The following AUTS2 variants were observed in gnomAD, a reference collection of about 807,000 sequenced individuals.
AUTS2 encodes the protein autism susceptibility gene 2 protein.
In AUTS2, 17 loss-of-function variants were observed where a neutral mutation model predicts 112.4. That is an observed-to-expected ratio of 0.15 (90% confidence interval 0.10 to 0.23). The LOEUF (loss-of-function observed/expected upper bound fraction) is 0.23, where lower values mean the gene tolerates loss of function less well. Ranked by LOEUF, AUTS2 falls within the 10% of genes least tolerant of loss-of-function variation. The pLI, the probability that AUTS2 is intolerant of heterozygous loss-of-function variation, is 1.00. For synonymous variants in AUTS2, 751 were observed against 702.7 expected, an observed-to-expected ratio of 1.07 and a Z score of -1.09; for missense variants, 1,510 against 1,701.6, an observed-to-expected ratio of 0.89 and a Z score of 1.98.
chr7:70,490,356 C>G (rs1439825646), intron 5 of AUTS2, among the ~76,000 whole-genome samples: 1 of 151,792 alleles, frequency 6.6e-6, no homozygotes, highest in African/African-American at 2.4e-5. Context: ...GCAGATCTTA[C>G]AGACATTAGA....
chr7:70,110,477 T>C (rs1016166872), intron 2 of AUTS2, among the ~76,000 whole-genome samples: 6 of 152,138 alleles, frequency 3.9e-5, no homozygotes, highest in South Asian at 2.1e-4. Context: ...GATCGCGCCA[T>C]TGGACTCCAG....
chr7:70,646,950 G>T (rs1806203144), intron 5 of AUTS2, among the ~76,000 whole-genome samples: 1 of 152,178 alleles, frequency 6.6e-6, no homozygotes, highest in African/African-American at 2.4e-5. Flanking sequence ...ATCATTCCAG[G>T]CTGGCTGAGC....
At chr7:69,708,088 T>A (rs1016758758) in intron 1 of AUTS2, among the ~76,000 whole-genome samples, 33 of 152,184 alleles carry the variant, frequency 2.2e-4, no homozygotes, top group African/African-American at 8.0e-4. Context: ...AACTGACATG[T>A]TTGAGCCTTT....
chr7:70,735,474 A>G (rs1321847745), intron 6 of AUTS2, among the ~76,000 whole-genome samples: 1 of 152,142 alleles, frequency 6.6e-6, no homozygotes, highest in Non-Finnish European at 1.5e-5. Context: ...CCTGACCCTC[A>G]CGGGGGTGAT....
chr7:69,894,207 T>G (rs1794641026), intron 1 of AUTS2, among the ~76,000 whole-genome samples: 1 of 151,818 alleles, frequency 6.6e-6, no homozygotes, highest in Non-Finnish European at 1.5e-5. Flanking sequence ...CTTTCTTGCC[T>G]TCTTTCCTGC....
intron 3 of AUTS2, among the ~76,000 whole-genome samples, chr7:70,131,852 T>G (rs1806289111): frequency 6.6e-6 from 1 of 151,968 alleles, no homozygotes. Context: ...ACCAATACTT[T>G]AATGGTGGGG....
intron 2 of AUTS2, among the ~76,000 whole-genome samples, chr7:69,985,145 C>G (rs998773259): frequency 1.3e-5 from 2 of 148,936 alleles, no homozygotes; most frequent in Admixed American, 6.7e-5. Flanking sequence ...GCAGGAGGAT[C>G]ACTTGAACCC....
At chr7:69,605,516 A>T (rs1184693113) in intron 1 of AUTS2, among the ~76,000 whole-genome samples, 1 of 152,134 alleles carries the variant, frequency 6.6e-6, no homozygotes, top group Non-Finnish European at 1.5e-5. Context: ...CCAATGTTTT[A>T]TCCTCTTTGT....
intron 5 of AUTS2, among the ~76,000 whole-genome samples, chr7:70,559,348 T>C (rs1174292191): frequency 6.6e-6 from 1 of 151,932 alleles, no homozygotes; most frequent in Non-Finnish European, 1.5e-5. Context: ...TTTTTTTTTT[T>C]TTCTGAGGCG....
intron 4 of AUTS2, among the ~76,000 whole-genome samples, chr7:70,368,504 G>A (rs1190937873): frequency 6.6e-6 from 1 of 152,196 alleles, no homozygotes; most frequent in Non-Finnish European, 1.5e-5. Context: ...AGGTTATGTT[G>A]CAGTAACAAG....
intron 1 of AUTS2, among the ~76,000 whole-genome samples, chr7:69,800,930 T>C (rs1353502932): frequency 6.6e-6 from 1 of 152,190 alleles, no homozygotes; most frequent in Non-Finnish European, 1.5e-5. Context: ...ATATATCTTT[T>C]AGATAATTCT....
intron 2 of AUTS2, among the ~76,000 whole-genome samples, chr7:70,001,803 C>A (rs768427837): frequency 3.3e-5 from 5 of 151,596 alleles, no homozygotes; most frequent in African/African-American, 9.7e-5. Flanking sequence ...CTCTGCCTTC[C>A]AGGCTGAAGT....
At chr7:69,682,897 G>A (rs1470456072) in intron 1 of AUTS2, among the ~76,000 whole-genome samples, 1 of 152,178 alleles carries the variant, frequency 6.6e-6, no homozygotes, top group African/African-American at 2.4e-5. Flanking sequence ...GCTGTAGTGA[G>A]CCATTGATAT....
chr7:70,648,660 C>T (rs893282257), intron 5 of AUTS2, among the ~76,000 whole-genome samples: 5 of 152,130 alleles, frequency 3.3e-5, no homozygotes, highest in African/African-American at 1.2e-4. Context: ...TGGCTCACTG[C>T]GACCTCCGCC....
At chr7:70,713,284 T>C (rs191058672) in intron 6 of AUTS2, among the ~76,000 whole-genome samples, 84 of 152,356 alleles carry the variant, frequency 5.5e-4, no homozygotes, top group African/African-American at 1.6e-3. Context: ...TGATTACCAC[T>C]AACTATTTTG....
At chr7:70,153,653 A>G (rs1034977657) in intron 4 of AUTS2, among the ~76,000 whole-genome samples, 7 of 152,188 alleles carry the variant, frequency 4.6e-5, no homozygotes, top group African/African-American at 1.7e-4. Flanking sequence ...ACACCCTGAG[A>G]TGTCTGCCTC....
At chr7:70,150,938 G>A (rs1807399516) in intron 4 of AUTS2, among the ~76,000 whole-genome samples, 1 of 152,154 alleles carries the variant, frequency 6.6e-6, no homozygotes, top group African/African-American at 2.4e-5. Flanking sequence ...GCATGACACT[G>A]GACATAAGGC....
intron 1 of AUTS2, among the ~76,000 whole-genome samples, chr7:69,615,631 A>G (rs966463094): frequency 1.3e-5 from 2 of 152,284 alleles, no homozygotes; most frequent in African/African-American, 4.8e-5. Flanking sequence ...GTAGATTTCT[A>G]CATCTGCTGC....
At chr7:70,720,573 C>G (rs1449631836) in intron 6 of AUTS2, among the ~76,000 whole-genome samples, 2 of 152,212 alleles carry the variant, frequency 1.3e-5, no homozygotes, top group Non-Finnish European at 2.9e-5. Context: ...CACACACACA[C>G]ACCCCTTTCT....
Sources: allele counts gnomAD v4.1 joint callset (sites outside exome capture counted in the v4.1 genomes callset), GRCh38; gene constraint gnomAD v4.1.1; transcripts MANE v1.5; gene names NCBI Gene and HGNC (gene_info 2026-07-23, HGNC 2026-07-21).